Variants in MTBP observed in about 807,000 individuals in gnomAD.
MTBP encodes MDM2 binding protein, also known as mdm2-binding protein.
Under a neutral mutation model 117.0 loss-of-function variants are expected in MTBP, and 101 were observed. That is an observed-to-expected ratio of 0.86 (90% CI 0.73 to 1.02). The LOEUF is 1.02. Among genes scored for constraint, MTBP ranks in the 50% least tolerant of loss-of-function variants. The probability of loss-of-function intolerance (pLI) is 0.00; values close to 1 mark genes in which losing one functional copy is unlikely to be tolerated. For synonymous variants in MTBP, 350 were observed against 351.5 expected, an observed-to-expected ratio of 1.00 and a Z score of 0.05; for missense variants, 970 against 1,030.9, an observed-to-expected ratio of 0.94 and a Z score of 0.81.
At chr8:120,505,082 T>C (rs764105453) in intron 15 of MTBP, among the ~76,000 whole-genome samples, 2 of 152,178 alleles carry the variant, frequency 1.3e-5, no homozygotes, top group Admixed American at 6.5e-5. Flanking sequence ...TTTTCTCTTA[T>C]GTGTAATTTT....
intron 11 of MTBP, among the ~76,000 whole-genome samples, chr8:120,486,537 G>A (rs974629187): frequency 5.3e-5 from 8 of 152,178 alleles, no homozygotes; most frequent in Non-Finnish European, 1.5e-5. Context: ...GTGGAGAAAG[G>A]AAGTCCCTGA....
Position 120,522,739 on chromosome 8 carries a change from G to A in MTBP, c.2676+20G>A, listed in dbSNP as rs1815025747. The A allele has an allele frequency of 1.3e-6, 2 of 1,558,322 alleles. No homozygotes were observed. Among genetic ancestry groups the A allele is most frequent in the African/African-American group, 1.4e-5 (1 of 72,842 alleles). ...GTACAGGTAAAGAAATTATTCCCAA[G>A]AAACTATATTCAATTAAATTGGTAT... On this transcript the variant is annotated intron_variant, in intron 21 of 21. Transcript: ENST00000305949.
At chr8:120,467,936 A>G (rs1003528334) in intron 10 of MTBP, among the ~76,000 whole-genome samples, 3 of 152,224 alleles carry the variant, frequency 2.0e-5, no homozygotes, top group Admixed American at 1.3e-4. Context: ...TAAGTAATGC[A>G]TTGAACTGCA....
chr8:120,506,229 G>A (rs923322772), intron 15 of MTBP, among the ~76,000 whole-genome samples: 3 of 152,056 alleles, frequency 2.0e-5, no homozygotes, highest in Non-Finnish European at 4.4e-5. Flanking sequence ...GGAGATTTCT[G>A]ATTATTGTCT....
intron 11 of MTBP, among the ~76,000 whole-genome samples, chr8:120,476,648 C>G (rs2130558745): frequency 6.6e-6 from 1 of 152,232 alleles, no homozygotes; most frequent in East Asian, 1.9e-4. Context: ...AACTCCAATT[C>G]ACAATTGCTA....
rs767395595 is a variant in MTBP, at chr8:120,456,620, A to G, written c.697A>G (p.Ile233Val). 6.2e-7 allele frequency: 1 copy of G among 1,601,696 alleles called. No individual in the cohort carries two copies. Among genetic ancestry groups the G allele is most frequent in the Non-Finnish European group, 8.5e-7 (1 of 1,171,772 alleles). ...ATCTTTAGAAGATCTCAGAAATGTT[A>G]TTGACTCAAAGGAATTATGGAGGGG... The part of the protein sequence containing the change: ...VVSLEDLRNV[I>V]DSKELWRGKI... Residue 233 changes from isoleucine (I) to valine (V), a missense_variant, in exon 7 of 22, where the codon ATT (isoleucine) becomes GTT (valine). Ile to Val is a conservative substitution (Grantham distance 29, BLOSUM62 3). Coordinates refer to ENST00000305949, the MANE Select transcript of MTBP (RefSeq NM_022045.5).
chr8:120,508,833 A>G (rs1265986269), intron 16 of MTBP, among the ~76,000 whole-genome samples: 1 of 152,168 alleles, frequency 6.6e-6, no homozygotes, highest in African/African-American at 2.4e-5. Flanking sequence ...TCTGAGCTTC[A>G]GGACCATGAT....
chr8:120,489,003 G>T (rs1201275431), intron 12 of MTBP, among the ~76,000 whole-genome samples: 5 of 150,334 alleles, frequency 3.3e-5, no homozygotes, highest in Non-Finnish European at 7.4e-5. Context: ...CAGCTAGCTT[G>T]GGCTTCCTTA....
chr8:120,509,701 G>C (rs1463457287), intron 16 of MTBP, among the ~76,000 whole-genome samples: 1 of 151,986 alleles, frequency 6.6e-6, no homozygotes, highest in African/African-American at 2.4e-5. Context: ...GAATAGTTTT[G>C]TGCAATAAAT....
intron 10 of MTBP, among the ~76,000 whole-genome samples, chr8:120,469,543 C>A (rs942190767): frequency 6.6e-6 from 1 of 152,166 alleles, no homozygotes. Flanking sequence ...ACTTTTTGAA[C>A]CACCATTGCA....
intron 13 of MTBP, among the ~76,000 whole-genome samples, chr8:120,492,809 T>C (rs1291937593): frequency 6.6e-6 from 1 of 152,162 alleles, no homozygotes; most frequent in African/African-American, 2.4e-5. Context: ...TTTTGAAAAT[T>C]ACATCTAATA....
chr8:120,488,216 A>T lies in MTBP; in HGVS notation c.1223A>T (p.Asn408Ile). 6.3e-7 allele frequency: 1 copy of T among 1,596,644 alleles called. No individual in the cohort carries two copies. ...CSSYYLLLQG[N>I]GNRRCKATLI... is the part of the protein sequence containing the mutation. Reference sequence around the variant, plus strand: ...AGCTATTATCTCTTGTTACAAGGTAATGGCAATAGAAGATGTAAAGCCACA... The same window carrying T: ...AGCTATTATCTCTTGTTACAAGGTATTGGCAATAGAAGATGTAAAGCCACA... The change falls in exon 12 of 22, where the codon AAT (asparagine) becomes ATT (isoleucine). Residue 408 changes from asparagine (N) to isoleucine (I), a missense_variant. Transcript: ENST00000305949.
chr8:120,487,558 C>A (rs1411522195), intron 11 of MTBP, among the ~76,000 whole-genome samples: 1 of 152,226 alleles, frequency 6.6e-6, no homozygotes, highest in Non-Finnish European at 1.5e-5. Context: ...GATTCTACTT[C>A]TATTTTTAAT....
chr8:120,457,809 A>G (rs529392998), intron 7 of MTBP, among the ~76,000 whole-genome samples: 46 of 152,136 alleles, frequency 3.0e-4, no homozygotes, highest in African/African-American at 1.1e-3. Context: ...CTGTAGTCCC[A>G]GCTACTCAAG....
At chr8:120,519,356 A>T (rs1357150927) in intron 20 of MTBP, among the ~76,000 whole-genome samples, 1 of 152,064 alleles carries the variant, frequency 6.6e-6, no homozygotes, top group Non-Finnish European at 1.5e-5. Flanking sequence ...CTTCGCAGAG[A>T]CCAAGGGATG....
rs1366008794 is a variant in MTBP, at chr8:120,470,904, G to C, written c.1132G>C (p.Glu378Gln). ...CCAACTCAGTTCAAGAAAATGGAAG[G>C]AATATATAGCTAAAAAGCCTAAAAC... is the stretch of plus-strand genomic sequence containing the variant. ...PNQLSSRKWK[E>Q]YIAKKPKTIS... The change falls in exon 11 of 22, where the codon GAA (glutamate) becomes CAA (glutamine). Residue 378 changes from glutamate (E) to glutamine (Q), a missense_variant. Transcript: ENST00000305949. 6.2e-7 allele frequency: 1 copy of C among 1,609,198 alleles called. No individual in the cohort carries two copies. The highest frequency in any genetic ancestry group is 1.7e-5 in the Admixed American group (1 of 59,992).
In MTBP at chr8:120,518,761, G is replaced by GA; in HGVS notation, c.2556dup (p.Cys853MetfsTer11). The stretch of plus-strand genomic sequence containing the variant: ...GAAACACAGTATTACCGAGACTCAT[G>GA]AATGTTTCACTGCATGCAGCCAGCG... On this transcript the variant is annotated frameshift_variant, in exon 20 of 22. Transcript: ENST00000305949. LOFTEE classifies it high-confidence loss of function. 2 of 1,612,070 alleles carry GA rather than the reference G, an allele frequency of 1.2e-6. No individual in the cohort carries two copies. The highest frequency in any genetic ancestry group is 1.7e-6 in the Non-Finnish European group (2 of 1,178,724).
chr8:120,520,952 A>T (rs1349123461), intron 20 of MTBP, among the ~76,000 whole-genome samples: 2 of 152,276 alleles, frequency 1.3e-5, no homozygotes, highest in Non-Finnish European at 2.9e-5. Context: ...GGAATCTGCT[A>T]GAAGATGAAG....
At chr8:120,476,345 C>T (rs1368745002) in intron 11 of MTBP, among the ~76,000 whole-genome samples, 2 of 152,022 alleles carry the variant, frequency 1.3e-5, no homozygotes, top group African/African-American at 4.8e-5. Flanking sequence ...AAAACTGGCA[C>T]AAGACAAAGA....
Sources: allele counts gnomAD v4.1 joint callset (sites outside exome capture counted in the v4.1 genomes callset), GRCh38; gene constraint gnomAD v4.1.1; transcripts MANE v1.5; gene names NCBI Gene and HGNC (gene_info 2026-07-23, HGNC 2026-07-21).